SATB1: variants seen among roughly 807,000 people sequenced by gnomAD.
SATB1 encodes the protein DNA-binding protein SATB1.
Under a neutral mutation model 86.9 loss-of-function variants are expected in SATB1, and 11 were observed. That is an observed-to-expected ratio of 0.13 (90% CI 0.08 to 0.21). The LOEUF is 0.21. Ranked by LOEUF, SATB1 falls within the 10% of genes least tolerant of loss-of-function variation. The probability of loss-of-function intolerance (pLI) is 1.00; values close to 1 mark genes in which losing one functional copy is unlikely to be tolerated. For synonymous variants in SATB1, 357 were observed against 357.2 expected (o/e 1.00, Z 0.01); for missense variants, 551 against 937.6 (o/e 0.59, Z 5.39).
intron 1 of SATB1, among the ~76,000 whole-genome samples, chr3:18,421,602 G>A (rs1175030116): frequency 6.6e-6 from 1 of 152,066 alleles, no homozygotes; most frequent in Non-Finnish European, 1.5e-5. Flanking sequence ...AGTTCCAAGA[G>A]TTATGTGACA....
intron 1 of SATB1, among the ~76,000 whole-genome samples, chr3:18,422,908 T>G (rs1361288618): frequency 6.6e-6 from 1 of 152,242 alleles, no homozygotes; most frequent in Non-Finnish European, 1.5e-5. Flanking sequence ...TTTAATGTAT[T>G]GACAATCTAA....
At chr3:18,356,763 G>A (rs942775718) in intron 9 of SATB1, among the ~76,000 whole-genome samples, 66 of 151,912 alleles carry the variant, frequency 4.3e-4, no homozygotes, top group African/African-American at 1.5e-3. Context: ...AGATAAGGAA[G>A]GGGTGCACAA....
rs142561477 is a variant in SATB1, at chr3:18,351,113, T to C, written c.1779+879A>G. ...TTTTCCATCTAAATTCACAGAAGAG[T>C]GTCTTCAGGAGATGAATGGTGACAA... On this transcript the variant is annotated intron_variant, in intron 10 of 10. Transcript: ENST00000338745. 1.1e-3 allele frequency: 639 copies of C among 577,062 alleles called. 2 individuals carry two copies. The highest frequency in any genetic ancestry group is 0.011 in the African/African-American group (573 of 53,668). The allele number at this position is 577,062 out of a possible 1,614,324, so 35.7% of individuals were successfully genotyped here.
chr3:18,352,315 T>C lies in SATB1; in HGVS notation c.1576-120A>G, dbSNP rs954114558. On this transcript the variant is annotated intron_variant, in intron 9 of 10. Transcript: ENST00000338745. The surrounding 1 kb of genome is among the most constrained non-coding windows in gnomAD (Gnocchi z 4.1). The stretch of plus-strand genomic sequence containing the variant: ...TTTTTCATAAGCTCAGAACACACCA[T>C]TCTGCTTTAAAAATTGTTTTTAACT... 6.4e-6 allele frequency: 5 copies of C among 785,098 alleles called. No individual in the cohort carries two copies. The Admixed American group carries it at 8.2e-5, about 13-fold the overall frequency. 48.6% of individuals were successfully genotyped at this position (785,098 alleles called of 1,614,324 possible).
At chr3:18,410,750 A>C (rs1697793030) in intron 5 of SATB1, 1 of 264,304 alleles carries the variant, frequency 3.8e-6, no homozygotes. Flanking sequence ...GAATGTGCTT[A>C]CTAAAACTGA....
intron 5 of SATB1, chr3:18,411,202 T>TATG: frequency 9.4e-6 from 3 of 317,588 alleles, no homozygotes; most frequent in Non-Finnish European, 1.7e-5. Context: ...AAGATATCTT[T>TATG]TCCAGGTGAG....
Position 18,417,476 on chromosome 3 carries a change from C to A in SATB1, c.212-398G>T, listed in dbSNP as rs549551146. On this transcript the variant is annotated intron_variant, in intron 2 of 10. Transcript: ENST00000338745. ...AACTCACCATTTATCTTCAGAAGAA[C>A]CCACCTTTCTACTGCTTACATGATT... 9 of 588,792 alleles carry A rather than the reference C, an allele frequency of 1.5e-5. No individual in the cohort carries two copies. The South Asian group carries it at 1.7e-4, about 11-fold the overall frequency. The allele number at this position is 588,792 out of a possible 1,614,324, so 36.5% of individuals were successfully genotyped here.
In SATB1 at chr3:18,345,480, T is replaced by C. The variant is rs1352292269; in HGVS notation, c.*3690A>G. On this transcript the variant is annotated 3_prime_UTR_variant, in exon 11 of 11. Coordinates refer to ENST00000338745, the MANE Select transcript of SATB1 (RefSeq NM_002971.6). The stretch of plus-strand genomic sequence containing the variant: ...TCTACCACAATTTCTTTAATTAGGG[T>C]ACTTTATATTTTATCAAAAATGTGC... The C allele has an allele frequency of 6.6e-6, 1 of 152,092 alleles. No homozygotes were observed. Among genetic ancestry groups the C allele is most frequent in the African/African-American group, 2.4e-5 (1 of 41,428 alleles). 9.4% of individuals were successfully genotyped at this position (152,092 alleles called of 1,614,324 possible).
Position 18,352,302 on chromosome 3 carries a change from T to A in SATB1, c.1576-107A>T. 1 of 886,936 alleles carries A rather than the reference T, an allele frequency of 1.1e-6. No homozygotes were observed. The highest frequency in any genetic ancestry group is 1.8e-6 in the Non-Finnish European group (1 of 566,594). 54.9% of individuals were successfully genotyped at this position (886,936 alleles called of 1,614,324 possible). On this transcript the variant is annotated intron_variant, in intron 9 of 10. Coordinates refer to ENST00000338745, the MANE Select transcript of SATB1 (RefSeq NM_002971.6). This position sits in a 1 kb window ranked among gnomAD's most constrained non-coding sequence, Gnocchi z 4.1. ...CCTATGAATTAACTTTTTCATAAGC[T>A]CAGAACACACCATTCTGCTTTAAAA...
intron 8 of SATB1, among the ~76,000 whole-genome samples, chr3:18,385,599 G>T (rs952702475): frequency 7.3e-5 from 11 of 150,470 alleles, no homozygotes; most frequent in Non-Finnish European, 1.6e-4. Context: ...CTCCAGCCTG[G>T]GTGACAGAGC....
chr3:18,382,649 TA>T (rs1352715124), intron 8 of SATB1, among the ~76,000 whole-genome samples: 2 of 152,154 alleles, frequency 1.3e-5, no homozygotes, highest in Non-Finnish European at 2.9e-5. Context: ...GACCAAAGTT[TA>T]AAAGGGGCTG....
chr3:18,415,374 ATTAG>A (rs951290692), intron 4 of SATB1, 140 bp from the exon 5 acceptor site: 7 of 910,236 alleles, frequency 7.7e-6, no homozygotes, highest in African/African-American at 5.0e-5. Flanking sequence ...GATTGTTCCG[ATTAG>A]TTAATTACTT....
chr3:18,410,196 C>T (rs1192357672), intron 5 of SATB1, among the ~76,000 whole-genome samples: 1 of 151,978 alleles, frequency 6.6e-6, no homozygotes, highest in Non-Finnish European at 1.5e-5. Context: ...AAAACCAAAG[C>T]ACGGTAAAGA....
At chr3:18,357,598 A>G (rs955466377) in intron 9 of SATB1, among the ~76,000 whole-genome samples, 1 of 142,312 alleles carries the variant, frequency 7.0e-6, no homozygotes, top group Non-Finnish European at 1.5e-5. Context: ...GTAATTTCAT[A>G]TCAGTGTGTT....
intron 9 of SATB1, among the ~76,000 whole-genome samples, chr3:18,369,040 C>CCTTTCAAAT (rs1236848448): frequency 6.6e-6 from 1 of 151,976 alleles, no homozygotes; most frequent in African/African-American, 2.4e-5. Flanking sequence ...TCCAACTCTG[C>CCTTTCAAAT]CTTTCAAATC....
chr3:18,401,343 G>T (rs1697255379), intron 5 of SATB1, among the ~76,000 whole-genome samples: 1 of 151,994 alleles, frequency 6.6e-6, no homozygotes, highest in African/African-American at 2.4e-5. Context: ...TTTGGCTGTC[G>T]TGATAGAAAT....
At chr3:18,370,515 C>CAA (rs11391230) in intron 9 of SATB1, among the ~76,000 whole-genome samples, 950 of 49,260 alleles carry the variant, frequency 0.019, 50 homozygotes, top group African/African-American at 0.03. Flanking sequence ...CTGAGAGAGG[C>CAA]AAAAAAAAAA....
chr3:18,396,594 G>A (rs530789766), intron 6 of SATB1, among the ~76,000 whole-genome samples: 11 of 152,110 alleles, frequency 7.2e-5, no homozygotes, highest in Non-Finnish European at 1.3e-4. Context: ...CTAAAGTTAT[G>A]TGTTAAGATA....
chr3:18,443,119 TAG>T (rs1417323924), upstream of SATB1, among the ~76,000 whole-genome samples: 1 of 152,222 alleles, frequency 6.6e-6, no homozygotes, highest in Non-Finnish European at 1.5e-5. The surrounding 1 kb of genome is among the most constrained non-coding windows in gnomAD (Gnocchi z 4.4). Context: ...CCACTTTGGA[TAG>T]AGTGTAAATT....
Sources: gnomAD v4.1 joint callset for allele counts (sites outside exome capture counted in the v4.1 genomes callset) on GRCh38, gnomAD v4.1.1 for gene constraint, Gnocchi (gnomAD v3.1) non-coding constraint, MANE v1.5 for transcripts, NCBI Gene and HGNC (gene_info 2026-07-23, HGNC 2026-07-21) for gene names.